Variants in WDR59 observed in about 807,000 individuals in gnomAD.
The protein encoded by WDR59 is GATOR2 complex protein WDR59.
Under a neutral mutation model 131.2 loss-of-function variants are expected in WDR59, and 100 were observed. That is an observed-to-expected ratio of 0.76 (90% CI 0.65 to 0.90). WDR59 has a LOEUF of 0.90. Among genes scored for constraint, WDR59 ranks in the 40% least tolerant of loss-of-function variants. The probability of loss-of-function intolerance (pLI) is 0.00; values close to 1 mark genes in which losing one functional copy is unlikely to be tolerated. For synonymous variants in WDR59, 601 were observed against 466.2 expected, an observed-to-expected ratio of 1.29 and a Z score of -3.72; for missense variants, 1,203 against 1,262.2, an observed-to-expected ratio of 0.95 and a Z score of 0.71.
chr16:74,890,941 C>G lies in WDR59; in HGVS notation c.2083-1126G>C, dbSNP rs147055320. 3.5e-3 allele frequency among the ~76,000 whole-genome samples: 538 copies of G among 152,130 alleles called. 10 individuals are homozygous for G. In the East Asian group the frequency reaches 0.058, roughly 16 times the overall value. ...CCAGCCTGGCCAATATGGTGAAACC[C>G]TGTCTCTACTAAAGATACAAAAATT... On this transcript the variant is annotated intron_variant, in intron 20 of 25. Transcript: ENST00000262144.
chr16:74,981,541 G>A (rs998692549), intron 1 of WDR59, among the ~76,000 whole-genome samples: 1 of 147,132 alleles, frequency 6.8e-6, no homozygotes, highest in Non-Finnish European at 1.5e-5. Flanking sequence ...CTGGGTGACA[G>A]AGCAAGACCC....
intron 24 of WDR59, 110 bp from the exon 25 acceptor site, chr16:74,885,905 G>T: frequency 1.5e-6 from 2 of 1,347,728 alleles, no homozygotes; most frequent in Non-Finnish European, 2.0e-6. Context: ...GCCAGGCACG[G>T]TGGCTAACAC....
At chr16:74,913,262 G>T (rs952707606) in intron 13 of WDR59, among the ~76,000 whole-genome samples, 6 of 148,892 alleles carry the variant, frequency 4.0e-5, no homozygotes, top group Non-Finnish European at 7.4e-5. Flanking sequence ...CCAACACAAA[G>T]TATTCTTTTT....
At chr16:74,927,341 C>A (rs1339914150) in intron 8 of WDR59, among the ~76,000 whole-genome samples, 3 of 152,048 alleles carry the variant, frequency 2.0e-5, no homozygotes, top group Non-Finnish European at 4.4e-5. Flanking sequence ...ATAATCCCAG[C>A]ACTTGGGAAG....
At position 74,958,595 on chromosome 16, in the gene WDR59, A is replaced by AAAAAAAAAC. The variant is rs1422455435; in HGVS notation, c.105-1986_105-1985insGTTTTTTTT. Among the ~76,000 whole-genome samples the AAAAAAAAAC allele has an allele frequency of 3.0e-5, 3 of 98,498 alleles. No individual in the cohort carries two copies. The East Asian group carries it at 6.7e-4, about 22-fold the overall frequency. The allele number at this position is 98,498 out of a possible 152,430, so 64.6% of individuals were successfully genotyped here. A position where few individuals can be genotyped will look rare whatever the true frequency, so the allele number is the denominator to read the frequency against. ...GGGACAGGCTGAGACTCCATCTCAA[A>AAAAAAAAAC]AAAAAAAAAAAAAAAAAAAAAAAAA... is the stretch of plus-strand genomic sequence containing the variant. On this transcript the variant is annotated intron_variant, in intron 2 of 25. Transcript: ENST00000262144.
intron 18 of WDR59, among the ~76,000 whole-genome samples, chr16:74,895,062 C>G (rs1965228603): frequency 6.6e-6 from 1 of 152,132 alleles, no homozygotes; most frequent in Non-Finnish European, 1.5e-5. Context: ...ACTGATATCC[C>G]ATTTAATACC....
At chr16:74,908,137 G>T (rs985148583) in intron 17 of WDR59, among the ~76,000 whole-genome samples, 1 of 152,078 alleles carries the variant, frequency 6.6e-6, no homozygotes, top group African/African-American at 2.4e-5. Context: ...AAACTTCCAG[G>T]CTGGGCATGG....
intron 6 of WDR59, among the ~76,000 whole-genome samples, chr16:74,947,011 T>C (rs1033564353): frequency 6.6e-6 from 1 of 152,222 alleles, no homozygotes; most frequent in African/African-American, 2.4e-5. Flanking sequence ...TTATACCAGT[T>C]CTATTCCACA....
intron 1 of WDR59, among the ~76,000 whole-genome samples, chr16:74,968,201 C>T (rs776070951): frequency 3.6e-4 from 54 of 152,018 alleles, no homozygotes; most frequent in Non-Finnish European, 6.5e-4. Flanking sequence ...ATTTAGAGGA[C>T]GGGGAGACTG....
chr16:74,911,401 G>A (rs774415156), intron 14 of WDR59, among the ~76,000 whole-genome samples: 5 of 152,080 alleles, frequency 3.3e-5, no homozygotes, highest in Non-Finnish European at 7.4e-5. Flanking sequence ...AAGTGTCCAC[G>A]ACCCAAACTG....
At position 74,874,428 on chromosome 16, in the gene WDR59, G is replaced by A. The variant is rs1250938090; in HGVS notation, c.2706C>T (p.Cys902=). 1 of 1,613,974 alleles carries A rather than the reference G, an allele frequency of 6.2e-7. No homozygotes were observed. Among genetic ancestry groups the A allele is most frequent in the Non-Finnish European group, 8.5e-7 (1 of 1,179,994 alleles). The stretch of plus-strand genomic sequence containing the variant: ...CACGGACCTCACTCCGGCAGTGGCT[G>A]CAGTACACGCCGAACTCTGGAAATG... ...PHKGIEFGVY[C]SHCRSEVRGT... Residue 902 remains cysteine (C), a synonymous_variant, in exon 26 of 26, where the codon TGC becomes TGT. Coordinates refer to ENST00000262144, the MANE Select transcript of WDR59 (RefSeq NM_030581.4).
chr16:74,948,720 G>C (rs1196625932), intron 5 of WDR59, among the ~76,000 whole-genome samples, 164 bp from the exon 6 acceptor site: 1 of 152,164 alleles, frequency 6.6e-6, no homozygotes, highest in Admixed American at 6.6e-5. Context: ...GAGACCTGCT[G>C]GCCAGGTACG....
chr16:74,973,218 G>A (rs1005486923), intron 1 of WDR59, among the ~76,000 whole-genome samples: 1 of 152,172 alleles, frequency 6.6e-6, no homozygotes, highest in African/African-American at 2.4e-5. Flanking sequence ...TCCAGCCTGA[G>A]CAACAAGAGC....
At position 74,871,562 on chromosome 16, in the gene WDR59, G is replaced by C. The variant is rs546096984; in HGVS notation, c.*2647C>G. The C allele has an allele frequency of 6.6e-6, 1 of 152,228 alleles. No individual in the cohort carries two copies. Among genetic ancestry groups the C allele is most frequent in the South Asian group, 2.1e-4 (1 of 4,824 alleles). 9.4% of individuals were successfully genotyped at this position (152,228 alleles called of 1,614,324 possible). On this transcript the variant is annotated 3_prime_UTR_variant, in exon 26 of 26. Coordinates refer to ENST00000262144, the MANE Select transcript of WDR59 (RefSeq NM_030581.4). ...ACTCGAAATTTCTTCACACCATTAAGGTTTTTCAATTTTGAAAGTCAATGT... is the reference window on the plus strand; with the variant it reads ...ACTCGAAATTTCTTCACACCATTAACGTTTTTCAATTTTGAAAGTCAATGT...
At position 74,981,984 on chromosome 16, in the gene WDR59, G is replaced by A. The variant is rs369769135; in HGVS notation, c.54+2980C>T. Reference sequence around the variant, plus strand: ...TATGTATATTTTTTAGGCCAGGCACGGTGGCTCACGCCTGTAATCCCAGCA... The same window carrying A: ...TATGTATATTTTTTAGGCCAGGCACAGTGGCTCACGCCTGTAATCCCAGCA... On this transcript the variant is annotated intron_variant, in intron 1 of 25. Transcript: ENST00000262144. 2.4e-4 allele frequency among the ~76,000 whole-genome samples: 31 copies of A among 130,106 alleles called. 4 individuals are homozygous for A. In the South Asian group the frequency reaches 2.5e-3, roughly 11 times the overall value. The allele number at this position is 130,106 out of a possible 152,430, so 85.4% of individuals were successfully genotyped here. A position where few individuals can be genotyped will look rare whatever the true frequency, so the allele number is the denominator to read the frequency against.
intron 13 of WDR59, among the ~76,000 whole-genome samples, chr16:74,913,735 A>G (rs7186610): frequency 0.99 from 151,495 of 152,308 alleles, 75,352 homozygotes; most frequent in Middle Eastern, 1. Context: ...GGGAAAATCC[A>G]TAGGGGAAGA....
rs773150384 is a variant in WDR59 at position 74,903,906 on chromosome 16, G to C, written c.1866+41C>G. 6 of 1,577,386 alleles carry C rather than the reference G, an allele frequency of 3.8e-6. No homozygotes were observed. The African/African-American group carries it at 6.8e-5, about 18-fold the overall frequency. On this transcript the variant is annotated intron_variant, in intron 18 of 25. Coordinates refer to ENST00000262144, the MANE Select transcript of WDR59 (RefSeq NM_030581.4). ...CAGGAGATGAGGAACAAGAATCCAG[G>C]AGAAGGGGTAAGAATCAAAGGCTAC... is the stretch of plus-strand genomic sequence containing the variant.
chr16:74,945,904 A>G (rs948771121), intron 6 of WDR59, among the ~76,000 whole-genome samples: 3 of 140,752 alleles, frequency 2.1e-5, no homozygotes, highest in Non-Finnish European at 4.5e-5. Flanking sequence ...CGCAACCTCC[A>G]CCTCCCAGGT....
At chr16:74,887,291 C>T (rs1964814394) in intron 23 of WDR59, among the ~76,000 whole-genome samples, 1 of 151,722 alleles carries the variant, frequency 6.6e-6, no homozygotes, top group South Asian at 2.1e-4. Context: ...ACTCAGCAAA[C>T]AGCTTTATGA....
Sources: gnomAD v4.1 joint callset for allele counts (sites outside exome capture counted in the v4.1 genomes callset) on GRCh38, gnomAD v4.1.1 for gene constraint, MANE v1.5 for transcripts, NCBI Gene and HGNC (gene_info 2026-07-23, HGNC 2026-07-21) for gene names.